Variants in HS3ST4 observed in about 807,000 individuals in gnomAD.
HS3ST4 encodes the protein heparan sulfate glucosamine 3-O-sulfotransferase 4.
In HS3ST4, 17 loss-of-function variants were observed where a neutral mutation model predicts 29.2. That is an observed-to-expected ratio of 0.58 (90% CI 0.40 to 0.87). The LOEUF (loss-of-function observed/expected upper bound fraction) is 0.87, where lower values mean the gene tolerates loss of function less well. Ranked by LOEUF, HS3ST4 falls within the 40% of genes least tolerant of loss-of-function variation. HS3ST4 has a pLI of 0.00. For synonymous variants in HS3ST4, 314 were observed against 285.7 expected (o/e 1.10, Z -1.00); for missense variants, 627 against 634.5 (o/e 0.99, Z 0.13).
At chr16:25,752,482 A>G (rs1490139275) in intron 1 of HS3ST4, among the ~76,000 whole-genome samples, 1 of 152,160 alleles carries the variant, frequency 6.6e-6, no homozygotes, top group African/African-American at 2.4e-5. Context: ...ATTTGACGGA[A>G]CGGATTATAG....
intron 1 of HS3ST4, among the ~76,000 whole-genome samples, chr16:25,716,175 C>G (rs1037413993): frequency 6.6e-6 from 1 of 152,170 alleles, no homozygotes; most frequent in East Asian, 1.9e-4. Flanking sequence ...CTTCTTTTCC[C>G]ATATAATCTT....
At chr16:25,883,970 G>A (rs1330536155) in intron 1 of HS3ST4, among the ~76,000 whole-genome samples, 2 of 152,022 alleles carry the variant, frequency 1.3e-5, no homozygotes, top group South Asian at 2.1e-4. Context: ...AAAATTAGCC[G>A]ACTGTGGTGG....
At chr16:26,098,446 A>C (rs914262265) in intron 1 of HS3ST4, among the ~76,000 whole-genome samples, 1 of 152,148 alleles carries the variant, frequency 6.6e-6, no homozygotes, top group African/African-American at 2.4e-5. Context: ...GACAGGGATG[A>C]AGCTGGAAAC....
chr16:25,946,136 G>A (rs543222264), intron 1 of HS3ST4, among the ~76,000 whole-genome samples: 5 of 152,298 alleles, frequency 3.3e-5, no homozygotes, highest in African/African-American at 9.6e-5. Context: ...GATTTTGAAG[G>A]TGATGGTGTA....
At chr16:25,861,936 T>C (rs1464935877) in intron 1 of HS3ST4, among the ~76,000 whole-genome samples, 1 of 152,174 alleles carries the variant, frequency 6.6e-6, no homozygotes, top group African/African-American at 2.4e-5. Context: ...GTTTGTTCAT[T>C]TTCCATGTCA....
intron 1 of HS3ST4, among the ~76,000 whole-genome samples, chr16:26,093,826 AG>A (rs1010923873): frequency 1.1e-4 from 16 of 152,162 alleles, no homozygotes; most frequent in African/African-American, 3.9e-4. Context: ...AAGCTAAAGG[AG>A]CTTGTTCAAA....
At chr16:25,903,273 C>CGTGTGTGTGTGTGT (rs71385584) in intron 1 of HS3ST4, among the ~76,000 whole-genome samples, 2 of 58,398 alleles carry the variant, frequency 3.4e-5, no homozygotes, top group African/African-American at 1.1e-4. Flanking sequence ...GAAGAATATA[C>CGTGTGTGTGTGTGT]GTGTGTGTGT....
At chr16:25,769,297 G>C (rs183986850) in intron 1 of HS3ST4, among the ~76,000 whole-genome samples, 3 of 152,128 alleles carry the variant, frequency 2.0e-5, no homozygotes, top group Middle Eastern at 3.4e-3. Flanking sequence ...TGCCCACCAT[G>C]TCATGGAGGT....
At chr16:26,038,208 C>T (rs976966548) in intron 1 of HS3ST4, among the ~76,000 whole-genome samples, 3 of 152,062 alleles carry the variant, frequency 2.0e-5, no homozygotes, top group Admixed American at 6.6e-5. Flanking sequence ...TGCTCTTCCC[C>T]GATTGCCCCT....
In HS3ST4 at chr16:25,840,349, A is replaced by G. The variant is rs572504214; in HGVS notation, c.734+147198A>G. Among the ~76,000 whole-genome samples, 17 of 152,348 alleles carry G rather than the reference A, an allele frequency of 1.1e-4. No individual in the cohort carries two copies. The East Asian group carries it at 1.9e-3, about 17-fold the overall frequency. Reference sequence around the variant, plus strand: ...ATTCCTTTGAGCATTTTGAGACGCAACTACTACAATCCAGAAACCCACATG... The same window carrying G: ...ATTCCTTTGAGCATTTTGAGACGCAGCTACTACAATCCAGAAACCCACATG... On this transcript the variant is annotated intron_variant, in intron 1 of 1. Transcript: ENST00000331351.
intron 1 of HS3ST4, among the ~76,000 whole-genome samples, chr16:25,784,007 T>A (rs771485342): frequency 2.6e-5 from 4 of 152,222 alleles, no homozygotes; most frequent in Admixed American, 6.5e-5. Context: ...TTCACATCTG[T>A]GTGTCATATT....
intron 1 of HS3ST4, among the ~76,000 whole-genome samples, chr16:25,991,324 T>C (rs1488973253): frequency 6.6e-6 from 1 of 152,234 alleles, no homozygotes; most frequent in Non-Finnish European, 1.5e-5. Flanking sequence ...AGTTTTATAT[T>C]GGTGCCATTT....
chr16:25,698,508 C>CTTAT (rs1430994923), intron 1 of HS3ST4, among the ~76,000 whole-genome samples: 1 of 152,200 alleles, frequency 6.6e-6, no homozygotes, highest in Non-Finnish European at 1.5e-5. Flanking sequence ...GGTTGAATAA[C>CTTAT]TTATTTGACA....
intron 1 of HS3ST4, among the ~76,000 whole-genome samples, chr16:25,945,520 G>T (rs1419530990): frequency 6.6e-6 from 1 of 152,072 alleles, no homozygotes; most frequent in Non-Finnish European, 1.5e-5. Context: ...AATAATAATT[G>T]CTGCATCACA....
At chr16:25,963,500 C>T (rs1299750128) in intron 1 of HS3ST4, among the ~76,000 whole-genome samples, 3 of 152,224 alleles carry the variant, frequency 2.0e-5, no homozygotes, top group Admixed American at 6.5e-5. Context: ...AGCTAAACCT[C>T]AAACTTGCCC....
chr16:25,891,311 G>T (rs1260071505), intron 1 of HS3ST4, among the ~76,000 whole-genome samples: 1 of 152,184 alleles, frequency 6.6e-6, no homozygotes, highest in East Asian at 1.9e-4. Flanking sequence ...CTAGTGGCTT[G>T]AAATGACTAT....
chr16:25,804,395 G>A (rs755356489), intron 1 of HS3ST4, among the ~76,000 whole-genome samples: 16 of 152,128 alleles, frequency 1.1e-4, no homozygotes, highest in Non-Finnish European at 1.9e-4. Context: ...CACCTTTAAT[G>A]TTTTAATCCC....
At chr16:25,909,573 A>AG in intron 1 of HS3ST4, among the ~76,000 whole-genome samples, 1 of 151,262 alleles carries the variant, frequency 6.6e-6, no homozygotes, top group Non-Finnish European at 1.5e-5. Flanking sequence ...TACAGTTGGG[A>AG]GGAGCTAGGG....
rs201281292 is a variant in HS3ST4 at position 25,770,475 on chromosome 16, T to TG, written c.734+77324_734+77325insG. 8.0e-4 allele frequency among the ~76,000 whole-genome samples: 122 copies of TG among 152,248 alleles called. 2 individuals carry two copies. The East Asian group carries it at 0.022, about 28-fold the overall frequency. On this transcript the variant is annotated intron_variant, in intron 1 of 1. Coordinates refer to ENST00000331351, the MANE Select transcript of HS3ST4 (RefSeq NM_006040.3). ...CTAACACACAAGAGGGCAGGCAACC[T>TG]CTCTCAGGCCACACATTGAGGAAGG... is the stretch of plus-strand genomic sequence containing the variant.
Sources: allele counts gnomAD v4.1 joint callset (sites outside exome capture counted in the v4.1 genomes callset), GRCh38; gene constraint gnomAD v4.1.1; transcripts MANE v1.5; gene names NCBI Gene and HGNC (gene_info 2026-07-23, HGNC 2026-07-21).